TMC1: variants seen among roughly 807,000 people sequenced by gnomAD.
The protein encoded by TMC1 is transmembrane channel like 1.
A neutral mutation model predicts 105.8 loss-of-function variants in TMC1; 84 were observed. That is an observed-to-expected ratio of 0.79 (90% CI 0.67 to 0.95). The LOEUF is 0.95. TMC1 is among the 40% of genes least tolerant of loss of function. The pLI is 0.00. For missense variants in TMC1, 817 were observed against 914.1 expected (o/e 0.89, Z 1.37); for synonymous variants, 315 against 311.5 (o/e 1.01, Z -0.12).
chr9:72,555,487 C>T (rs1295512177), intron 1 of TMC1, among the ~76,000 whole-genome samples: 1 of 151,482 alleles, frequency 6.6e-6, no homozygotes, highest in African/African-American at 2.4e-5. Flanking sequence ...GCGCCCGGCC[C>T]ATACTCACAG....
intron 8 of TMC1, among the ~76,000 whole-genome samples, chr9:72,708,287 T>C (rs931431308): frequency 1.3e-5 from 2 of 152,194 alleles, no homozygotes; most frequent in East Asian, 3.8e-4. Context: ...ATTTTTTTTC[T>C]AGTTCTATGA....
chr9:72,657,923 A>G (rs1484764312), intron 5 of TMC1, among the ~76,000 whole-genome samples: 1 of 152,148 alleles, frequency 6.6e-6, no homozygotes, highest in Non-Finnish European at 1.5e-5. Context: ...AATTTTTAGT[A>G]CTAATTTAAA....
At chr9:72,533,552 A>G (rs1823531504) in intron 1 of TMC1, among the ~76,000 whole-genome samples, 1 of 152,204 alleles carries the variant, frequency 6.6e-6, no homozygotes, top group Non-Finnish European at 1.5e-5. Flanking sequence ...CAGTCCACAC[A>G]ACCTTGCATG....
In TMC1 at chr9:72,552,836, G is replaced by A. The variant is rs148527036; in HGVS notation, c.-427-25066G>A. On this transcript the variant is annotated intron_variant, in intron 1 of 23. Coordinates refer to ENST00000297784, the MANE Select transcript of TMC1 (RefSeq NM_138691.3). ...TGATCTATTTATCATATTAAAAGAG[G>A]GATCAAGTTCAAAGATTTCAATGCT... Among the ~76,000 whole-genome samples, 658 of 152,014 alleles carry A rather than the reference G, an allele frequency of 4.3e-3. 7 individuals carry two copies. Among genetic ancestry groups the A allele is most frequent in the African/African-American group, 0.015 (633 of 41,476 alleles).
chr9:72,830,113 A>C lies in TMC1; in HGVS notation c.2130-338A>C, dbSNP rs533330134. 2.0e-4 allele frequency among the ~76,000 whole-genome samples: 31 copies of C among 152,342 alleles called. 1 individual carries two copies. The highest frequency in any genetic ancestry group is 7.5e-4 in the African/African-American group (31 of 41,582). ...GGGATGCCATTGCCATCCATTTAAAATGCTACTTTCAATTATAATTTAAAC... is the reference window on the plus strand; with the variant it reads ...GGGATGCCATTGCCATCCATTTAAACTGCTACTTTCAATTATAATTTAAAC... On this transcript the variant is annotated intron_variant, in intron 21 of 23. Transcript: ENST00000297784.
intron 11 of TMC1, among the ~76,000 whole-genome samples, chr9:72,753,860 C>T (rs561980391): frequency 6.6e-6 from 1 of 152,242 alleles, no homozygotes; most frequent in Admixed American, 6.5e-5. Flanking sequence ...TCTGTGCCCC[C>T]GAACTTTGGG....
Position 72,648,638 on chromosome 9 carries a change from A to G in TMC1, c.-11A>G. On this transcript the variant is annotated 5_prime_UTR_variant, in exon 5 of 24. Coordinates refer to ENST00000297784, the MANE Select transcript of TMC1 (RefSeq NM_138691.3). ...CCAGCCACTGAGACCTTCTGACAGG[A>G]CACCCCCAGGATGTCACCCAAAAAA... 1 of 1,613,114 alleles carries G rather than the reference A, an allele frequency of 6.2e-7. No individual in the cohort carries two copies. The highest frequency in any genetic ancestry group is 1.1e-5 in the South Asian group (1 of 91,064).
At chr9:72,650,995 A>G (rs868530341) in intron 5 of TMC1, among the ~76,000 whole-genome samples, 1 of 146,058 alleles carries the variant, frequency 6.8e-6, no homozygotes, top group Admixed American at 6.9e-5. Context: ...AGCTCCATCC[A>G]TGTTCCCACA....
At chr9:72,589,933 A>AT (rs1258160299) in intron 2 of TMC1, among the ~76,000 whole-genome samples, 1 of 152,168 alleles carries the variant, frequency 6.6e-6, no homozygotes, top group Non-Finnish European at 1.5e-5. Flanking sequence ...GGACCCACTG[A>AT]TGAACTGCAG....
chr9:72,556,849 A>AC (rs568805188), intron 1 of TMC1, among the ~76,000 whole-genome samples: 2 of 151,630 alleles, frequency 1.3e-5, no homozygotes, highest in Non-Finnish European at 2.9e-5. Context: ...AAACAAACAA[A>AC]AAAATTGGTT....
At chr9:72,686,312 A>G (rs941686800) in intron 5 of TMC1, among the ~76,000 whole-genome samples, 3 of 152,196 alleles carry the variant, frequency 2.0e-5, no homozygotes, top group Non-Finnish European at 4.4e-5. Context: ...GGAATAAGGT[A>G]CTAGGGACTG....
chr9:72,782,889 A>G (rs1464480211), intron 13 of TMC1, among the ~76,000 whole-genome samples: 1 of 152,212 alleles, frequency 6.6e-6, no homozygotes, highest in Non-Finnish European at 1.5e-5. Context: ...ATTCAATGCT[A>G]TTCCTATCAA....
At chr9:72,661,868 T>C (rs1166962632) in intron 5 of TMC1, among the ~76,000 whole-genome samples, 1 of 152,254 alleles carries the variant, frequency 6.6e-6, no homozygotes, top group African/African-American at 2.4e-5. Flanking sequence ...AGCTGGTTTG[T>C]GTCTGCTGAC....
chr9:72,802,031 T>A (rs1448694638), intron 17 of TMC1, among the ~76,000 whole-genome samples: 1 of 152,056 alleles, frequency 6.6e-6, no homozygotes, highest in Non-Finnish European at 1.5e-5. Flanking sequence ...GACCTGGCAG[T>A]AGAAACCTAA....
intron 10 of TMC1, among the ~76,000 whole-genome samples, chr9:72,749,554 C>T (rs1303393113): frequency 6.6e-6 from 1 of 152,048 alleles, no homozygotes; most frequent in Non-Finnish European, 1.5e-5. Flanking sequence ...CAGACCAGTG[C>T]ACCTGGTGAC....
At chr9:72,633,290 A>C (rs1370891889) in intron 4 of TMC1, among the ~76,000 whole-genome samples, 1 of 152,218 alleles carries the variant, frequency 6.6e-6, no homozygotes, top group Non-Finnish European at 1.5e-5. Flanking sequence ...TTTACTTCAC[A>C]CTTGAGGTAG....
At chr9:72,827,029 G>C (rs373300155) in intron 21 of TMC1, 35 bp downstream of exon 21, 437 of 1,613,216 alleles carry the variant, frequency 2.7e-4, no homozygotes, top group Non-Finnish European at 3.4e-4. Context: ...AAGAGCCTCT[G>C]TGATGTTCTT....
chr9:72,618,861 T>A (rs1825191238), intron 3 of TMC1, among the ~76,000 whole-genome samples: 1 of 152,218 alleles, frequency 6.6e-6, no homozygotes, highest in Non-Finnish European at 1.5e-5. Context: ...AAATTTAAAC[T>A]GGAAACCTCA....
Position 72,813,509 on chromosome 9 carries a change from A to G in TMC1, c.1696-2634A>G, listed in dbSNP as rs544806085. On this transcript the variant is annotated intron_variant, in intron 18 of 23. Coordinates refer to ENST00000297784, the MANE Select transcript of TMC1 (RefSeq NM_138691.3). ...AGACTAGAAAGGGATCTTAGAAATGAACTAGTTCAGAGGTTGGCAAACTTT... is the reference window on the plus strand; with the variant it reads ...AGACTAGAAAGGGATCTTAGAAATGGACTAGTTCAGAGGTTGGCAAACTTT... Among the ~76,000 whole-genome samples, 23 of 152,340 alleles carry G rather than the reference A, an allele frequency of 1.5e-4. No individual in the cohort carries two copies. In the Middle Eastern group the frequency reaches 0.017, roughly 113 times the overall value.
Sources: gnomAD v4.1 joint callset for allele counts (sites outside exome capture counted in the v4.1 genomes callset) on GRCh38, gnomAD v4.1.1 for gene constraint, MANE v1.5 for transcripts, NCBI Gene and HGNC (gene_info 2026-07-23, HGNC 2026-07-21) for gene names.